TBC1D20: variants seen among roughly 807,000 people sequenced by gnomAD.
TBC1D20 encodes chromosome 20 open reading frame 140.
Under a neutral mutation model 41.6 loss-of-function variants are expected in TBC1D20, and 12 were observed. That is an observed-to-expected ratio of 0.29 (90% CI 0.18 to 0.47). The LOEUF (loss-of-function observed/expected upper bound fraction) is 0.47. Ranked by LOEUF, TBC1D20 falls within the 20% of genes least tolerant of loss-of-function variation. TBC1D20 has a pLI of 1.00. For missense variants in TBC1D20, 421 were observed against 517.4 expected (o/e 0.81, Z 1.81); for synonymous variants, 205 against 204.8 (o/e 1.00, Z -0.01).
chr20:456,547 G>A (rs1319983687), intron 1 of TBC1D20, among the ~76,000 whole-genome samples: 1 of 151,918 alleles, frequency 6.6e-6, no homozygotes, highest in East Asian at 1.9e-4. Flanking sequence ...AAATCCAGAG[G>A]AAAGAATGAC....
rs116200004 is a variant in TBC1D20 at position 451,501 on chromosome 20, T to C, written c.71-3427A>G. ...AGGTGGAGGTTATAGTGAGCCGAGA[T>C]AGCGTCACTGCACTCTAGCCTGGAC... On this transcript the variant is annotated intron_variant, in intron 1 of 7. Transcript: ENST00000354200. Among the ~76,000 whole-genome samples, 596 of 152,258 alleles carry C rather than the reference T, an allele frequency of 3.9e-3. 2 individuals carry two copies. Among genetic ancestry groups the C allele is most frequent in the African/African-American group, 0.013 (558 of 41,552 alleles).
rs529466619 is a variant in TBC1D20, at chr20:449,470, C to T, written c.71-1396G>A. Among the ~76,000 whole-genome samples the T allele has an allele frequency of 3.3e-4, 47 of 143,680 alleles. No homozygotes were observed. The South Asian group carries it at 0.011, about 32-fold the overall frequency. The allele number at this position is 143,680 out of a possible 152,430, so 94.3% of individuals were successfully genotyped here. On this transcript the variant is annotated intron_variant, in intron 1 of 7. Coordinates refer to ENST00000354200, the MANE Select transcript of TBC1D20 (RefSeq NM_144628.4). ...ATTAGCCAGGCGTGGTGGCATGCAC[C>T]TGTAATCCCAGCTACTCGGGAGGCT...
chr20:461,966 T>C (rs2017638990), intron 1 of TBC1D20, among the ~76,000 whole-genome samples: 1 of 152,184 alleles, frequency 6.6e-6, no homozygotes, highest in Admixed American at 6.5e-5. Context: ...GGGAGGCGGC[T>C]CCGGGAGCCT....
At chr20:443,496 G>A (rs2017276327) in intron 3 of TBC1D20, among the ~76,000 whole-genome samples, 1 of 152,150 alleles carries the variant, frequency 6.6e-6, no homozygotes, top group Admixed American at 6.5e-5. Context: ...AGCAGCTAAT[G>A]TAAGGGCCCA....
At position 438,759 on chromosome 20, in the gene TBC1D20, C is replaced by T; in HGVS notation, c.1039G>A (p.Gly347Arg). 3.7e-6 allele frequency: 6 copies of T among 1,614,208 alleles called. No individual in the cohort carries two copies. The highest frequency in any genetic ancestry group is 5.1e-6 in the Non-Finnish European group (6 of 1,180,048). ...GTTCGATCTTCAGGCCGCAGAAGTCCCCGAAACCGCTGCCGCAGCACCATA... is the reference window on the plus strand; with the variant it reads ...GTTCGATCTTCAGGCCGCAGAAGTCTCCGAAACCGCTGCCGCAGCACCATA... ...PDMVLRQRFR[G>R]LLRPEDRTKD... Residue 347 changes from glycine (G) to arginine (R), a missense_variant, in exon 8 of 8, where the codon GGA (glycine) becomes AGA (arginine). Transcript: ENST00000354200.
At chr20:440,562 G>A in intron 5 of TBC1D20, 173 bp from the exon 6 acceptor site, 2 of 825,832 alleles carry the variant, frequency 2.4e-6, no homozygotes, top group Non-Finnish European at 1.8e-6. Context: ...AGTCTTTAAG[G>A]TGTACCACAA....
chr20:452,264 A>G (rs1410012234), intron 1 of TBC1D20, among the ~76,000 whole-genome samples: 3 of 152,178 alleles, frequency 2.0e-5, no homozygotes, highest in Non-Finnish European at 4.4e-5. Context: ...CCAAGATCGC[A>G]CAACTGCACT....
chr20:447,613 G>C (rs1217351699), intron 2 of TBC1D20, among the ~76,000 whole-genome samples: 1 of 152,072 alleles, frequency 6.6e-6, no homozygotes, highest in Non-Finnish European at 1.5e-5. Flanking sequence ...AGCTGAGATT[G>C]TGCCACCGCA....
In TBC1D20 at chr20:439,966, C is replaced by T. The variant is rs1283506590; in HGVS notation, c.768+282G>A. Reference sequence around the variant, plus strand: ...GAACATATATTCCAGACAATGTCAACAGGAACCCTGACAATTCACAATGCA... The same window carrying T: ...GAACATATATTCCAGACAATGTCAATAGGAACCCTGACAATTCACAATGCA... On this transcript the variant is annotated intron_variant, in intron 6 of 7. Coordinates refer to ENST00000354200, the MANE Select transcript of TBC1D20 (RefSeq NM_144628.4). The surrounding 1 kb of genome is among the most constrained non-coding windows in gnomAD (Gnocchi z 4.6). Among the ~76,000 whole-genome samples, 1 of 152,230 alleles carries T rather than the reference C, an allele frequency of 6.6e-6. No homozygotes were observed. Among genetic ancestry groups the T allele is most frequent in the Non-Finnish European group, 1.5e-5 (1 of 68,042 alleles).
intron 1 of TBC1D20, among the ~76,000 whole-genome samples, chr20:448,689 GAAAAAA>G (rs557901716): frequency 1.0e-5 from 1 of 98,388 alleles, no homozygotes; most frequent in African/African-American, 3.6e-5. Flanking sequence ...ACTCCGTCTT[GAAAAAA>G]AAAAAAAAAA....
At chr20:459,647 AT>A (rs1021491321) in intron 1 of TBC1D20, among the ~76,000 whole-genome samples, 20 of 152,032 alleles carry the variant, frequency 1.3e-4, no homozygotes, top group Non-Finnish European at 2.5e-4. Context: ...ATTTTTATTT[AT>A]TTATTTATTT....
At position 439,960 on chromosome 20, in the gene TBC1D20, T is replaced by C. The variant is rs1346518874; in HGVS notation, c.768+288A>G. On this transcript the variant is annotated intron_variant, in intron 6 of 7. Transcript: ENST00000354200. This position sits in a 1 kb window ranked among gnomAD's most constrained non-coding sequence, Gnocchi z 4.6. ...TCAGCTGAACATATATTCCAGACAA[T>C]GTCAACAGGAACCCTGACAATTCAC... Among the ~76,000 whole-genome samples the C allele has an allele frequency of 1.3e-5, 2 of 152,188 alleles. No homozygotes were observed. The highest frequency in any genetic ancestry group is 2.9e-5 in the Non-Finnish European group (2 of 68,028).
intron 1 of TBC1D20, among the ~76,000 whole-genome samples, chr20:449,284 T>A (rs1187906315): frequency 1.6e-4 from 4 of 24,438 alleles, no homozygotes; most frequent in African/African-American, 4.4e-4. Flanking sequence ...TCCCAATACA[T>A]TAAAAAAAAA....
intron 1 of TBC1D20, among the ~76,000 whole-genome samples, chr20:457,575 A>T (rs2017563890): frequency 6.6e-6 from 1 of 152,160 alleles, no homozygotes; most frequent in Admixed American, 6.6e-5. Context: ...TTAAGGGGAA[A>T]GTACTCCAGG....
chr20:462,288 C>G lies in TBC1D20; in HGVS notation c.70+48G>C, dbSNP rs1406538740. 8 of 1,231,306 alleles carry G rather than the reference C, an allele frequency of 6.5e-6. No homozygotes were observed. The South Asian group carries it at 7.3e-5, about 11-fold the overall frequency. The allele number at this position is 1,231,306 out of a possible 1,614,324, so 76.3% of individuals were successfully genotyped here. A position where few individuals can be genotyped will look rare whatever the true frequency, so the allele number is the denominator to read the frequency against. On this transcript the variant is annotated intron_variant, in intron 1 of 7. Transcript: ENST00000354200. Reference sequence around the variant, plus strand: ...GCCTCCGCCAGCTGCCCCTGCCCCCCGGGCCGCCCTCGCAGGCCGCTCCCG... The same window carrying G: ...GCCTCCGCCAGCTGCCCCTGCCCCCGGGGCCGCCCTCGCAGGCCGCTCCCG...
intron 1 of TBC1D20, among the ~76,000 whole-genome samples, chr20:454,900 G>C (rs2017515745): frequency 6.6e-6 from 1 of 152,084 alleles, no homozygotes; most frequent in South Asian, 2.1e-4. Context: ...TCGAACTCCT[G>C]ACCTGAAGTG....
chr20:447,961 T>C lies in TBC1D20; in HGVS notation c.184A>G (p.Thr62Ala), dbSNP rs750194858. The C allele has an allele frequency of 6.2e-7, 1 of 1,614,182 alleles. No individual in the cohort carries two copies. Among genetic ancestry groups the C allele is most frequent in the Non-Finnish European group, 8.5e-7 (1 of 1,180,034 alleles). ...CACACTTTTCGTCTGATCTCATCAG[T>C]CAGGAGCCCTCCTTCACTGATAGCC... ...RMAISEGGLL[T>A]DEIRRKVWPK... Residue 62 changes from threonine (T) to alanine (A), a missense_variant, in exon 2 of 8, where the codon ACT becomes GCT. By Grantham distance (58) the Thr-to-Ala change is moderately conservative. Coordinates refer to ENST00000354200, the MANE Select transcript of TBC1D20 (RefSeq NM_144628.4).
chr20:441,341 C>T (rs535351304), intron 5 of TBC1D20: 1 of 478,908 alleles, frequency 2.1e-6, no homozygotes, highest in East Asian at 3.4e-5. Context: ...GGCATACATA[C>T]CTTATCCACC....
chr20:457,496 G>A (rs1352204573), intron 1 of TBC1D20, among the ~76,000 whole-genome samples: 2 of 152,100 alleles, frequency 1.3e-5, no homozygotes, highest in Admixed American at 1.3e-4. Flanking sequence ...TGCTAGGATC[G>A]CAGATGTGAG....
Sources: gnomAD v4.1 joint callset for allele counts (sites outside exome capture counted in the v4.1 genomes callset) on GRCh38, gnomAD v4.1.1 for gene constraint, Gnocchi (gnomAD v3.1) non-coding constraint, MANE v1.5 for transcripts, NCBI Gene and HGNC (gene_info 2026-07-23, HGNC 2026-07-21) for gene names.